Variants in ANK3 observed in about 807,000 individuals in gnomAD.
ANK3 encodes ankyrin 3, also known as ankyrin-3.
A neutral mutation model predicts 370.9 loss-of-function variants in ANK3; 57 were observed. The ratio of observed to expected loss-of-function variants is 0.15; its 90% CI spans 0.12 to 0.19. The LOEUF is 0.19. Ranked by LOEUF, ANK3 falls within the 10% of genes least tolerant of loss-of-function variation. The pLI is 1.00. For missense variants in ANK3, 4,439 were observed against 5,302.1 expected (o/e 0.84, Z 5.06); for synonymous variants, 1,929 against 1,946.3 (o/e 0.99, Z 0.23).
chr10:60,288,631 G>A (rs764820482), intron 1 of ANK3, among the ~76,000 whole-genome samples: 3 of 152,086 alleles, frequency 2.0e-5, no homozygotes, highest in Non-Finnish European at 1.5e-5. Flanking sequence ...TATGCAAAGG[G>A]GATTCCCCTG....
At chr10:60,249,213 T>C (rs2097605630) in intron 7 of ANK3, among the ~76,000 whole-genome samples, 1 of 152,206 alleles carries the variant, frequency 6.6e-6, no homozygotes, top group South Asian at 2.1e-4. Context: ...TGTGGAGGAA[T>C]CAATTACTTA....
At chr10:60,384,236 A>G (rs1020630217) in intron 1 of ANK3, among the ~76,000 whole-genome samples, 1 of 152,204 alleles carries the variant, frequency 6.6e-6, no homozygotes, top group Non-Finnish European at 1.5e-5. Flanking sequence ...TCATTACACA[A>G]TGTGTCTGAG....
In ANK3 at chr10:60,560,940, G is replaced by GA. The variant is rs530130917; in HGVS notation, c.96+54245dup. Reference sequence around the variant, plus strand: ...CTGCTATGTTAAAATGAACTGGCTTGAAAAAACAGAAATCATCACTCAAGA... The same window carrying GA: ...CTGCTATGTTAAAATGAACTGGCTTGAAAAAAACAGAAATCATCACTCAAGA... On this transcript the variant is annotated intron_variant, in intron 2 of 43. Transcript: ENST00000373827. Among the ~76,000 whole-genome samples, 846 of 151,998 alleles carry GA rather than the reference G, an allele frequency of 5.6e-3. 5 individuals are homozygous for GA. The highest frequency in any genetic ancestry group is 9.6e-3 in the Non-Finnish European group (650 of 67,972).
intron 26 of ANK3, among the ~76,000 whole-genome samples, chr10:60,110,600 T>C (rs2092635167): frequency 6.6e-6 from 1 of 152,184 alleles, no homozygotes; most frequent in Admixed American, 6.5e-5. Flanking sequence ...GGATGAATTG[T>C]TACCAATGCT....
chr10:60,538,646 C>T (rs2076777825), intron 2 of ANK3, among the ~76,000 whole-genome samples: 1 of 151,892 alleles, frequency 6.6e-6, no homozygotes, highest in Admixed American at 6.6e-5. Context: ...AGAAAGAATG[C>T]TCACACACAT....
In ANK3 at chr10:60,231,165, C is replaced by A. The variant is rs149236070; in HGVS notation, c.897+3523G>T. Among the ~76,000 whole-genome samples the A allele has an allele frequency of 4.3e-3, 660 of 152,250 alleles. 2 individuals are homozygous for A. Among genetic ancestry groups the A allele is most frequent in the Non-Finnish European group, 5.2e-3 (354 of 68,010 alleles). The stretch of plus-strand genomic sequence containing the variant: ...GTCACACTTAAGATTACAGATCAGG[C>A]ACTAGGGTGAAATTAAATTCACTCA... On this transcript the variant is annotated intron_variant, in intron 8 of 43. Transcript: ENST00000280772.
At chr10:60,033,889 G>A (rs780688054) in intron 43 of ANK3, among the ~76,000 whole-genome samples, 1 of 151,978 alleles carries the variant, frequency 6.6e-6, no homozygotes, top group Non-Finnish European at 1.5e-5. Context: ...CAATATCCAG[G>A]CCACATCCCA....
chr10:60,111,620 G>T, intron 26 of ANK3: 1 of 334,616 alleles, frequency 3.0e-6, no homozygotes, highest in Non-Finnish European at 6.0e-6. Flanking sequence ...TTTAGGAACA[G>T]CAGGATGACA....
At chr10:60,532,208 T>C (rs2076620847) in intron 2 of ANK3, among the ~76,000 whole-genome samples, 1 of 152,198 alleles carries the variant, frequency 6.6e-6, no homozygotes, top group Non-Finnish European at 1.5e-5. Flanking sequence ...AGAGACCCAG[T>C]TGCATACTTA....
intron 25 of ANK3, among the ~76,000 whole-genome samples, chr10:60,127,914 G>T (rs1437504150): frequency 6.6e-6 from 1 of 151,964 alleles, no homozygotes; most frequent in African/African-American, 2.4e-5. Context: ...AGCCAGGATG[G>T]TCTCGATCTC....
chr10:60,147,989 G>A (rs1451067546), intron 23 of ANK3, among the ~76,000 whole-genome samples: 1 of 152,178 alleles, frequency 6.6e-6, no homozygotes, highest in Non-Finnish European at 1.5e-5. Flanking sequence ...TAAGCATTGG[G>A]TAAACTAGGT....
intron 28 of ANK3, among the ~76,000 whole-genome samples, chr10:60,090,816 G>A (rs1341613390): frequency 1.3e-5 from 2 of 152,234 alleles, no homozygotes; most frequent in Non-Finnish European, 1.5e-5. Flanking sequence ...TACTGCAAGT[G>A]GGTGTGAATG....
chr10:60,448,193 C>T (rs2064501188), intron 2 of ANK3, among the ~76,000 whole-genome samples: 2 of 152,162 alleles, frequency 1.3e-5, no homozygotes, highest in Non-Finnish European at 2.9e-5. Flanking sequence ...GCGCTAATGT[C>T]TATGTTCTAC....
At chr10:60,585,962 T>A (rs1000498000) in intron 2 of ANK3, among the ~76,000 whole-genome samples, 1 of 152,032 alleles carries the variant, frequency 6.6e-6, no homozygotes, top group African/African-American at 2.4e-5. Context: ...AGGCAGAGGT[T>A]GCAGTGAGCT....
At chr10:60,474,640 G>A (rs371281830) in intron 2 of ANK3, among the ~76,000 whole-genome samples, 2 of 152,170 alleles carry the variant, frequency 1.3e-5, no homozygotes, top group South Asian at 2.1e-4. Context: ...AATCACACCT[G>A]AGTTTTTCTT....
chr10:60,552,791 C>A (rs1255101114), intron 2 of ANK3, among the ~76,000 whole-genome samples: 2 of 152,182 alleles, frequency 1.3e-5, no homozygotes, highest in Non-Finnish European at 2.9e-5. Context: ...CCCATAATTC[C>A]CACATGTTGT....
chr10:60,324,388 C>A (rs180721338), intron 1 of ANK3, among the ~76,000 whole-genome samples: 1 of 152,176 alleles, frequency 6.6e-6, no homozygotes, highest in Admixed American at 6.5e-5. Context: ...GGAGTCTGCT[C>A]CTGCCAAGAA....
intron 1 of ANK3, among the ~76,000 whole-genome samples, chr10:60,322,856 C>T (rs1451469576): frequency 1.3e-5 from 2 of 152,014 alleles, no homozygotes; most frequent in Non-Finnish European, 2.9e-5. Context: ...GATCTGCTGA[C>T]TAATTGAGTA....
intron 12 of ANK3, among the ~76,000 whole-genome samples, chr10:60,202,023 TTC>T (rs1481355541): frequency 1.3e-5 from 2 of 151,452 alleles, no homozygotes; most frequent in Admixed American, 1.3e-4. Context: ...CTAAAATCAC[TTC>T]TTTGTATAAA....
Sources: allele counts gnomAD v4.1 joint callset (sites outside exome capture counted in the v4.1 genomes callset), GRCh38; gene constraint gnomAD v4.1.1; transcripts MANE v1.5; gene names NCBI Gene and HGNC (gene_info 2026-07-23, HGNC 2026-07-21).